GTPBP10: variants seen among roughly 807,000 people sequenced by gnomAD.
GTPBP10 encodes the protein GTP-binding protein 10.
A neutral mutation model predicts 44.8 loss-of-function variants in GTPBP10; 38 were observed. The ratio of observed to expected loss-of-function variants is 0.85; its 90% CI spans 0.65 to 1.11. The LOEUF (loss-of-function observed/expected upper bound fraction) is 1.11, where lower values mean the gene tolerates loss of function less well. GTPBP10 is among the 50% of genes most tolerant of loss of function. The pLI, the probability that GTPBP10 is intolerant of heterozygous loss-of-function variation, is 0.00. For synonymous variants in GTPBP10, 152 were observed against 150.6 expected, an observed-to-expected ratio of 1.01 and a Z score of -0.07; for missense variants, 462 against 453.7, an observed-to-expected ratio of 1.02 and a Z score of -0.17.
At chr7:90,348,295 G>T (rs1795720889) in intron 1 of GTPBP10, among the ~76,000 whole-genome samples, 1 of 152,126 alleles carries the variant, frequency 6.6e-6, no homozygotes, top group Non-Finnish European at 1.5e-5. Context: ...AGAACATGGG[G>T]GTTAGAGATG....
chr7:90,354,652 A>G (rs897070554), intron 3 of GTPBP10, 103 bp downstream of exon 3: 2 of 609,162 alleles, frequency 3.3e-6, no homozygotes, highest in Non-Finnish European at 5.7e-6. Context: ...TTAACTAACA[A>G]TTTTAGCTAC....
intron 4 of GTPBP10, among the ~76,000 whole-genome samples, chr7:90,362,754 T>C (rs1228287987): frequency 6.6e-6 from 1 of 152,188 alleles, no homozygotes; most frequent in Non-Finnish European, 1.5e-5. Flanking sequence ...CCCATTATTA[T>C]TGTTTTGGAG....
At chr7:90,365,359 T>C (rs1013709915) in intron 4 of GTPBP10, among the ~76,000 whole-genome samples, 2 of 144,068 alleles carry the variant, frequency 1.4e-5, no homozygotes, top group Non-Finnish European at 3.0e-5. Flanking sequence ...ACTGAGACTT[T>C]GGGGTTTTCT....
intron 1 of GTPBP10, among the ~76,000 whole-genome samples, chr7:90,351,764 C>T (rs930405959): frequency 4.6e-5 from 7 of 152,110 alleles, no homozygotes; most frequent in South Asian, 2.1e-4. Flanking sequence ...GGCTTGATCT[C>T]GGCCCACTGC....
rs760550897 is a variant in GTPBP10, at chr7:90,383,038, A to G, written c.860A>G (p.Asp287Gly). Residue 287 changes from aspartate to glycine, a missense_variant, in exon 9 of 10, where the codon GAT becomes GGT. Transcript: ENST00000222511. Reference protein sequence around the residue: ...VNKMDLPDAQDKFHELMSQLQ... With the variant: ...VNKMDLPDAQGKFHELMSQLQ... ...AAAATGGACTTGCCAGATGCCCAAG[A>G]TAAGTTCCATGAATTGATGAGCCAG... 3.1e-6 allele frequency: 5 copies of G among 1,595,926 alleles called. No homozygotes were observed. Among genetic ancestry groups the G allele is most frequent in the East Asian group, 4.5e-5 (2 of 44,686 alleles).
rs534502718 is a variant in GTPBP10, at chr7:90,369,369, G to A, written c.465-2786G>A. ...ACGTTAAGGTCTGCCAAAGCTGTCT[G>A]CTGCCATTTTTTCTGATATGCCCTG... On this transcript the variant is annotated intron_variant, in intron 4 of 9. Transcript: ENST00000222511. Among the ~76,000 whole-genome samples, 18 of 152,328 alleles carry A rather than the reference G, an allele frequency of 1.2e-4. No individual in the cohort carries two copies. The East Asian group carries it at 3.3e-3, about 28-fold the overall frequency.
intron 5 of GTPBP10, 98 bp from the exon 6 acceptor site, chr7:90,374,204 G>T: frequency 2.4e-6 from 2 of 834,026 alleles, no homozygotes; most frequent in Non-Finnish European, 2.0e-6. Context: ...AACAAAATCT[G>T]AATTGAAATA....
intron 4 of GTPBP10, among the ~76,000 whole-genome samples, chr7:90,366,745 T>G (rs1161326333): frequency 6.6e-6 from 1 of 151,852 alleles, no homozygotes; most frequent in Non-Finnish European, 1.5e-5. Context: ...AGCTCCTGGA[T>G]TCATTGATTT....
chr7:90,362,962 CTT>C (rs1047376493), intron 4 of GTPBP10, among the ~76,000 whole-genome samples: 2 of 151,838 alleles, frequency 1.3e-5, no homozygotes, highest in Admixed American at 1.3e-4. Flanking sequence ...CAACCCCTGC[CTT>C]TTTTTTGTTT....
chr7:90,346,921 C>T, intron 1 of GTPBP10, 147 bp downstream of exon 1: 1 of 857,380 alleles, frequency 1.2e-6, no homozygotes, highest in South Asian at 1.5e-5. Context: ...TGTAGTGGCG[C>T]TTTGTCAGTA....
intron 4 of GTPBP10, among the ~76,000 whole-genome samples, chr7:90,367,921 G>T (rs1384558142): frequency 6.6e-6 from 1 of 152,212 alleles, no homozygotes; most frequent in Non-Finnish European, 1.5e-5. Flanking sequence ...TCTGGTGCTA[G>T]TTGTTCCTTT....
At chr7:90,378,247 C>G (rs1040553093) in intron 8 of GTPBP10, 36 bp downstream of exon 8, 3 of 1,577,868 alleles carry the variant, frequency 1.9e-6, no homozygotes, top group Non-Finnish European at 1.7e-6. Flanking sequence ...TGTATTTGGT[C>G]TAATACATAG....
At chr7:90,378,008 A>G in intron 7 of GTPBP10, 126 bp from the exon 8 acceptor site, 1 of 1,199,226 alleles carries the variant, frequency 8.3e-7, no homozygotes, top group Non-Finnish European at 1.1e-6. Flanking sequence ...ATTTTGAATT[A>G]CTAAGTAACA....
intron 4 of GTPBP10, among the ~76,000 whole-genome samples, chr7:90,359,884 G>A (rs571708121): frequency 4.6e-5 from 7 of 151,934 alleles, no homozygotes; most frequent in East Asian, 3.9e-4. Context: ...TGCATTTGAC[G>A]GCCAGTGATG....
At chr7:90,358,733 A>G (rs17867625) in intron 4 of GTPBP10, among the ~76,000 whole-genome samples, 10,420 of 152,200 alleles carry the variant, frequency 0.068, 391 homozygotes, top group South Asian at 0.15. Context: ...CTCAAACCAA[A>G]TGCAACAAAA....
At chr7:90,359,007 A>G (rs1795959542) in intron 4 of GTPBP10, among the ~76,000 whole-genome samples, 1 of 152,206 alleles carries the variant, frequency 6.6e-6, no homozygotes, top group South Asian at 2.1e-4. Flanking sequence ...CAACATCACT[A>G]ATACTCAGGG....
chr7:90,373,017 A>T (rs537978595), intron 5 of GTPBP10, among the ~76,000 whole-genome samples: 1 of 152,142 alleles, frequency 6.6e-6, no homozygotes, highest in Non-Finnish European at 1.5e-5. Context: ...TTGGACTGGG[A>T]TATGAGGAAT....
chr7:90,361,288 C>T (rs144894458), intron 4 of GTPBP10, among the ~76,000 whole-genome samples: 4,322 of 152,116 alleles, frequency 0.028, 79 homozygotes, highest in African/African-American at 0.045. Flanking sequence ...AAATAGCTCT[C>T]ATTATTTTGA....
At chr7:90,370,744 A>T (rs1296146153) in intron 4 of GTPBP10, among the ~76,000 whole-genome samples, 1 of 152,148 alleles carries the variant, frequency 6.6e-6, no homozygotes, top group Admixed American at 6.5e-5. Context: ...GGTGGCTCAC[A>T]CCTGTAATCC....
Sources: gnomAD v4.1 joint callset for allele counts (sites outside exome capture counted in the v4.1 genomes callset) on GRCh38, gnomAD v4.1.1 for gene constraint, MANE v1.5 for transcripts, NCBI Gene and HGNC (gene_info 2026-07-23, HGNC 2026-07-21) for gene names.